Variants in TWSG1 observed in about 807,000 individuals in gnomAD.
The protein encoded by TWSG1 is twisted gastrulation BMP signaling modulator 1.
TWSG1 carries 15 observed loss-of-function variants against 23.0 expected under a neutral mutation model. That is an observed-to-expected ratio of 0.65 (90% CI 0.44 to 1.00). TWSG1 has a LOEUF of 1.00. TWSG1 is among the 50% of genes least tolerant of loss of function. TWSG1 has a pLI of 0.00. For synonymous variants in TWSG1, 86 were observed against 92.8 expected, an observed-to-expected ratio of 0.93 and a Z score of 0.42; for missense variants, 242 against 278.7, an observed-to-expected ratio of 0.87 and a Z score of 0.94.
intron 2 of TWSG1, among the ~76,000 whole-genome samples, chr18:9,356,311 G>A (rs2040526728): frequency 6.6e-6 from 1 of 152,120 alleles, no homozygotes; most frequent in African/African-American, 2.4e-5. Flanking sequence ...AGATAACCTG[G>A]GCAAGTTCAA....
chr18:9,387,659 A>C (rs1236821477), intron 3 of TWSG1, among the ~76,000 whole-genome samples: 3 of 151,876 alleles, frequency 2.0e-5, no homozygotes, highest in African/African-American at 4.8e-5. Context: ...AGTCCCAGCT[A>C]CTTGGGAGGC....
chr18:9,350,154 T>C (rs367623042), intron 2 of TWSG1, among the ~76,000 whole-genome samples: 2 of 151,202 alleles, frequency 1.3e-5, no homozygotes, highest in East Asian at 3.9e-4. Context: ...AAAAAAAAAG[T>C]TGTGGCGCTA....
At chr18:9,361,470 GC>G (rs2040552081) in intron 3 of TWSG1, among the ~76,000 whole-genome samples, 1 of 152,206 alleles carries the variant, frequency 6.6e-6, no homozygotes, top group African/African-American at 2.4e-5. Flanking sequence ...CATGGACAGG[GC>G]ATGGAATGTA....
In TWSG1 at chr18:9,400,299, C is replaced by G. The variant is rs2040756820; in HGVS notation, c.*772C>G. 1 of 3,794 alleles carries G rather than the reference C, an allele frequency of 2.6e-4. No individual in the cohort carries two copies. Among genetic ancestry groups the G allele is most frequent in the African/African-American group, 2.8e-4 (1 of 3,562 alleles). 0.2% of individuals were successfully genotyped at this position (3,794 alleles called of 1,614,324 possible). Reference sequence around the variant, plus strand: ...ATGCACTGCTGGTGTAAATAATTAGCAAGCAAAGCGTTTCTGTGACTTCAG... The same window carrying G: ...ATGCACTGCTGGTGTAAATAATTAGGAAGCAAAGCGTTTCTGTGACTTCAG... On this transcript the variant is annotated 3_prime_UTR_variant, in exon 5 of 5. Transcript: ENST00000262120.
rs573745689 is a variant in TWSG1 at position 9,398,004 on chromosome 18, CAA to C, written c.491-1320_491-1319del. 1.5e-3 allele frequency among the ~76,000 whole-genome samples: 125 copies of C among 84,728 alleles called. 1 individual carries two copies. The highest frequency in any genetic ancestry group is 5.2e-3 in the African/African-American group (116 of 22,432). The allele number at this position is 84,728 out of a possible 152,430, so 55.6% of individuals were successfully genotyped here. The stretch of plus-strand genomic sequence containing the variant: ...GGGCAACTAGAGCAAAACTCCATCT[CAA>C]AAAAAAAAAAAAAAAAAAAAACCAA... On this transcript the variant is annotated intron_variant, in intron 4 of 4. Transcript: ENST00000262120.
At chr18:9,362,049 G>T (rs745460157) in intron 3 of TWSG1, among the ~76,000 whole-genome samples, 1 of 152,316 alleles carries the variant, frequency 6.6e-6, no homozygotes, top group African/African-American at 2.4e-5. Flanking sequence ...AATTCTGAGA[G>T]AATGGGGGCA....
At chr18:9,397,895 T>C (rs1023749697) in intron 4 of TWSG1, among the ~76,000 whole-genome samples, 2 of 151,456 alleles carry the variant, frequency 1.3e-5, no homozygotes, top group South Asian at 2.1e-4. Context: ...TCCCAGCTAC[T>C]TGGGAGGCTG....
intron 2 of TWSG1, among the ~76,000 whole-genome samples, chr18:9,345,902 A>G (rs901720599): frequency 6.6e-6 from 1 of 152,136 alleles, no homozygotes; most frequent in African/African-American, 2.4e-5. Flanking sequence ...CATTCCCCCC[A>G]CATATCCCCA....
At chr18:9,371,403 T>C (rs963889772) in intron 3 of TWSG1, among the ~76,000 whole-genome samples, 32 of 151,826 alleles carry the variant, frequency 2.1e-4, no homozygotes, top group Non-Finnish European at 4.3e-4. Context: ...TTCAAACTAT[T>C]CTCCTGCCTC....
chr18:9,360,891 A>C (rs914627232), intron 3 of TWSG1, among the ~76,000 whole-genome samples: 1 of 152,206 alleles, frequency 6.6e-6, no homozygotes, highest in African/African-American at 2.4e-5. Context: ...AATTCTGAAT[A>C]ATAACCCTAT....
intron 3 of TWSG1, among the ~76,000 whole-genome samples, chr18:9,374,300 GAA>G (rs1486725078): frequency 3.3e-5 from 5 of 151,928 alleles, no homozygotes; most frequent in Non-Finnish European, 7.4e-5. Flanking sequence ...ACTAGGTTAA[GAA>G]AAAGAGAGGA....
intron 3 of TWSG1, 131 bp from the exon 4 acceptor site, chr18:9,396,147 CAA>C (rs58754446): frequency 0.28 from 129,456 of 459,930 alleles, 4,168 homozygotes; most frequent in African/African-American, 0.36. Context: ...GCTCACCCAG[CAA>C]AAAAAAAAAA....
At chr18:9,389,491 C>T (rs2040701321) in intron 3 of TWSG1, among the ~76,000 whole-genome samples, 1 of 152,116 alleles carries the variant, frequency 6.6e-6, no homozygotes, top group Non-Finnish European at 1.5e-5. Flanking sequence ...GACTTATCTG[C>T]ACCTATTTCT....
At chr18:9,337,096 C>T in intron 1 of TWSG1, 97 bp from the exon 2 acceptor site, 1 of 1,095,066 alleles carries the variant, frequency 9.1e-7, no homozygotes, top group Non-Finnish European at 1.3e-6. Flanking sequence ...TATATTGACA[C>T]AAACAATGAG....
chr18:9,395,219 A>T (rs1313013349), intron 3 of TWSG1, among the ~76,000 whole-genome samples: 1 of 152,204 alleles, frequency 6.6e-6, no homozygotes, highest in African/African-American at 2.4e-5. Flanking sequence ...TCTTGGCAAC[A>T]TCACCACCTC....
intron 2 of TWSG1, among the ~76,000 whole-genome samples, chr18:9,350,863 A>T (rs2040499005): frequency 6.6e-6 from 1 of 152,148 alleles, no homozygotes; most frequent in Admixed American, 6.5e-5. Flanking sequence ...GGCAAAACAG[A>T]TTTGTTATAA....
At chr18:9,380,752 G>A (rs184003522) in intron 3 of TWSG1, among the ~76,000 whole-genome samples, 56 of 152,252 alleles carry the variant, frequency 3.7e-4, no homozygotes, top group Non-Finnish European at 7.2e-4. Context: ...TACACATTGA[G>A]TCTTCATTTA....
chr18:9,339,973 T>A (rs2040438968), intron 2 of TWSG1, among the ~76,000 whole-genome samples: 1 of 152,240 alleles, frequency 6.6e-6, no homozygotes, highest in African/African-American at 2.4e-5. Context: ...CTGACATTTC[T>A]GATATTCCGT....
intron 2 of TWSG1, among the ~76,000 whole-genome samples, chr18:9,353,371 A>G (rs750868549): frequency 3.3e-5 from 5 of 152,234 alleles, no homozygotes; most frequent in African/African-American, 9.6e-5. Context: ...ATATAAATGT[A>G]GTAAAATACA....
Sources: allele counts gnomAD v4.1 joint callset (sites outside exome capture counted in the v4.1 genomes callset), GRCh38; gene constraint gnomAD v4.1.1; transcripts MANE v1.5; gene names NCBI Gene and HGNC (gene_info 2026-07-23, HGNC 2026-07-21).